The following NTMT2 variants were observed in gnomAD, a reference collection of about 807,000 sequenced individuals.
NTMT2 encodes the protein X-Pro-Lys N-terminal protein methyltransferase 1B.
NTMT2 carries 21 observed loss-of-function variants against 23.4 expected under a neutral mutation model. The observed-to-expected ratio is 0.90, with a 90% CI of 0.64 to 1.29. The LOEUF (loss-of-function observed/expected upper bound fraction) is 1.29, where lower values mean the gene tolerates loss of function less well. NTMT2 is among the 50% of genes most tolerant of loss of function. The probability of loss-of-function intolerance (pLI) is 0.00; values close to 1 mark genes in which losing one functional copy is unlikely to be tolerated. For missense variants in NTMT2, 336 were observed against 352.0 expected, an observed-to-expected ratio of 0.95 and a Z score of 0.36; for synonymous variants, 131 against 127.7, an observed-to-expected ratio of 1.03 and a Z score of -0.17.
chr1:170,162,774 C>T (rs905205418), intron 2 of NTMT2, among the ~76,000 whole-genome samples: 7 of 152,196 alleles, frequency 4.6e-5, no homozygotes, highest in African/African-American at 1.4e-4. Flanking sequence ...TAAGCCCAGC[C>T]AGGTCTGCCT....
At chr1:170,151,466 A>T (rs1310717843) in intron 1 of NTMT2, 3 of 154,044 alleles carry the variant, frequency 1.9e-5, no homozygotes. Context: ...AGTTAATAAC[A>T]ACATTTCCTA....
rs1324741727 is a variant in NTMT2 at position 170,168,332 on chromosome 1, TG to T, written c.*580del. On this transcript the variant is annotated 3_prime_UTR_variant, in exon 4 of 4. Coordinates refer to ENST00000439373, the MANE Select transcript of NTMT2 (RefSeq NM_001136107.2). ...GTATTATAGAGTATTCTGGTGGGGG[TG>T]GGGGTAGGAGAAAATCTACACTCCT... Among the ~76,000 whole-genome samples, 1 of 145,436 alleles carries T rather than the reference TG, an allele frequency of 6.9e-6. No individual in the cohort carries two copies. The highest frequency in any genetic ancestry group is 2.6e-5 in the African/African-American group (1 of 39,006).
At chr1:170,160,468 T>A (rs2102238292) in intron 1 of NTMT2, 50 bp from the exon 2 acceptor site, 1 of 1,378,618 alleles carries the variant, frequency 7.3e-7, no homozygotes, top group Middle Eastern at 2.6e-4. Context: ...AAAGCTGAGA[T>A]TTTTTTATCT....
rs1673430581 is a variant in NTMT2 at position 170,167,944 on chromosome 1, G to A, written c.*187G>A. ...TTATATAATGCACACACTCTGATGA[G>A]ACATGCACAAATTCTGTGGATTTTC... On this transcript the variant is annotated 3_prime_UTR_variant, in exon 4 of 4. Transcript: ENST00000439373. Among the ~76,000 whole-genome samples the A allele has an allele frequency of 6.6e-6, 1 of 150,924 alleles. No homozygotes were observed. The highest frequency in any genetic ancestry group is 2.4e-5 in the African/African-American group (1 of 40,836).
In NTMT2 at chr1:170,168,821, T is replaced by C. The variant is rs1246629122; in HGVS notation, c.*1064T>C. Among the ~76,000 whole-genome samples the C allele has an allele frequency of 6.6e-6, 1 of 152,236 alleles. No individual in the cohort carries two copies. The highest frequency in any genetic ancestry group is 1.5e-5 in the Non-Finnish European group (1 of 68,034). On this transcript the variant is annotated 3_prime_UTR_variant, in exon 4 of 4. Coordinates refer to ENST00000439373, the MANE Select transcript of NTMT2 (RefSeq NM_001136107.2). ...GACAAGGAAATGATAACCCTGAAAA[T>C]TGACTAGCTGGACATTGGTTTAATT...
intron 1 of NTMT2, among the ~76,000 whole-genome samples, chr1:170,152,110 A>G (rs1036468108): frequency 6.6e-6 from 1 of 152,212 alleles, no homozygotes; most frequent in Non-Finnish European, 1.5e-5. Flanking sequence ...ACATTCAAAG[A>G]AGGCCCATCA....
rs1673427572 is a variant in NTMT2 at position 170,167,820 on chromosome 1, T to A, written c.*63T>A. On this transcript the variant is annotated 3_prime_UTR_variant, in exon 4 of 4. Transcript: ENST00000439373. ...TGCTTTGGGATGGGGTTGCTATCCT[T>A]CCAGGTGCCCCTTGTAATGCAGATA... The A allele has an allele frequency of 6.8e-7, 1 of 1,473,388 alleles. No homozygotes were observed. Among genetic ancestry groups the A allele is most frequent in the African/African-American group, 1.4e-5 (1 of 71,002 alleles). The allele number at this position is 1,473,388 out of a possible 1,614,324, so 91.3% of individuals were successfully genotyped here.
intron 3 of NTMT2, among the ~76,000 whole-genome samples, 194 bp from the exon 4 acceptor site, chr1:170,167,292 G>A (rs1673413562): frequency 6.6e-6 from 1 of 152,060 alleles, no homozygotes; most frequent in African/African-American, 2.4e-5. Flanking sequence ...TTATAGACGG[G>A]GACAGAGGCT....
chr1:170,159,346 G>C (rs986696549), intron 1 of NTMT2, among the ~76,000 whole-genome samples: 2 of 149,392 alleles, frequency 1.3e-5, no homozygotes, highest in African/African-American at 4.9e-5. Flanking sequence ...CAGCTGTGCT[G>C]TCTGCTGCTT....
In NTMT2 at chr1:170,160,617, G is replaced by A; in HGVS notation, c.254G>A (p.Gly85Asp). The change falls in exon 2 of 4, where the codon GGT becomes GAT. Residue 85 changes from glycine to aspartate, a missense_variant. By Grantham distance (94) the Gly-to-Asp change is moderately conservative. Transcript: ENST00000439373. ...FYQEVPATEE[G>D]MMGNFIELSS... is the part of the protein sequence containing the mutation. ...CAAGAAGTACCAGCCACAGAAGAGG[G>A]TATGATGGGAAATTTCATTGAACTG... 1 of 1,551,686 alleles carries A rather than the reference G, an allele frequency of 6.4e-7. No homozygotes were observed. Among genetic ancestry groups the A allele is most frequent in the South Asian group, 1.2e-5 (1 of 84,034 alleles).
In NTMT2 at chr1:170,153,579, T is replaced by A. The variant is rs1455672147; in HGVS notation, c.155-6939T>A. The stretch of plus-strand genomic sequence containing the variant: ...AAAGAGCTTAGTTGCATTGTATCCA[T>A]GTCCTAGGGATCTCTGGAAGATTGA... On this transcript the variant is annotated intron_variant, in intron 1 of 3. Coordinates refer to ENST00000439373, the MANE Select transcript of NTMT2 (RefSeq NM_001136107.2). Among the ~76,000 whole-genome samples, 8 of 152,238 alleles carry A rather than the reference T, an allele frequency of 5.3e-5. No homozygotes were observed. The East Asian group carries it at 1.5e-3, about 29-fold the overall frequency.
chr1:170,150,260 T>C (rs1302353196), intron 1 of NTMT2, among the ~76,000 whole-genome samples: 3 of 152,200 alleles, frequency 2.0e-5, no homozygotes, highest in Non-Finnish European at 4.4e-5. Flanking sequence ...GAAACATCCC[T>C]GGCAAGCTTC....
At position 170,167,800 on chromosome 1, in the gene NTMT2, T is replaced by C. The variant is rs1048146205; in HGVS notation, c.*43T>C. On this transcript the variant is annotated 3_prime_UTR_variant, in exon 4 of 4. Transcript: ENST00000439373. ...ACGACTGGACTGGGCAGTGGTGCTT[T>C]GGGATGGGGTTGCTATCCTTCCAGG... 1.3e-6 allele frequency: 2 copies of C among 1,510,166 alleles called. No homozygotes were observed. The highest frequency in any genetic ancestry group is 1.8e-6 in the Non-Finnish European group (2 of 1,124,542). The allele number at this position is 1,510,166 out of a possible 1,614,324, so 93.5% of individuals were successfully genotyped here. A position where few individuals can be genotyped will look rare whatever the true frequency, so the allele number is the denominator to read the frequency against.
At chr1:170,155,319 G>A (rs1413945057) in intron 1 of NTMT2, among the ~76,000 whole-genome samples, 1 of 152,106 alleles carries the variant, frequency 6.6e-6, no homozygotes, top group Non-Finnish European at 1.5e-5. Flanking sequence ...TAGTGTCAGA[G>A]CTGGCAAACA....
At chr1:170,150,649 T>C (rs1016015695) in intron 1 of NTMT2, among the ~76,000 whole-genome samples, 4 of 152,198 alleles carry the variant, frequency 2.6e-5, no homozygotes, top group African/African-American at 9.7e-5. Flanking sequence ...TATTTTATGA[T>C]TTAACAGGAA....
intron 1 of NTMT2, among the ~76,000 whole-genome samples, chr1:170,151,951 G>A (rs1400506372): frequency 6.6e-6 from 1 of 152,108 alleles, no homozygotes; most frequent in African/African-American, 2.4e-5. Context: ...AATTATTTGA[G>A]TATGCCTAAT....
chr1:170,150,671 C>T (rs1375731474), intron 1 of NTMT2, among the ~76,000 whole-genome samples: 5 of 152,046 alleles, frequency 3.3e-5, no homozygotes, highest in Non-Finnish European at 5.9e-5. Flanking sequence ...AGGGAACAAA[C>T]ATAGCCTATG....
At chr1:170,167,028 GAAATGTAAATACTTGAAAAAATTTCA>G (rs1306262418) in intron 3 of NTMT2, among the ~76,000 whole-genome samples, 1 of 152,176 alleles carries the variant, frequency 6.6e-6, no homozygotes, top group Non-Finnish European at 1.5e-5. Context: ...AATCCTCGAA[GAAATGTAAATACTTGAAAAAATTTCA>G]AAAGTGCAGT....
At chr1:170,148,217 C>T (rs1004265684) in intron 1 of NTMT2, among the ~76,000 whole-genome samples, 8 of 129,070 alleles carry the variant, frequency 6.2e-5, no homozygotes, top group Non-Finnish European at 1.1e-4. Flanking sequence ...GGTGCAATCT[C>T]GGCTCACTGA....
Sources: gnomAD v4.1 joint callset for allele counts (sites outside exome capture counted in the v4.1 genomes callset) on GRCh38, gnomAD v4.1.1 for gene constraint, MANE v1.5 for transcripts, NCBI Gene and HGNC (gene_info 2026-07-23, HGNC 2026-07-21) for gene names.